The following CSMD3 variants were observed in gnomAD, a reference collection of about 807,000 sequenced individuals.
CSMD3 encodes CUB and Sushi multiple domains 3.
CSMD3 carries 177 observed loss-of-function variants against 435.2 expected under a neutral mutation model. That is an observed-to-expected ratio of 0.41 (90% CI 0.36 to 0.46). The LOEUF (loss-of-function observed/expected upper bound fraction) is 0.46. CSMD3 is among the 20% of genes least tolerant of loss of function. The probability of loss-of-function intolerance (pLI) is 0.34; values close to 1 mark genes in which losing one functional copy is unlikely to be tolerated. For missense variants in CSMD3, 4,265 were observed against 4,504.6 expected, an observed-to-expected ratio of 0.95 and a Z score of 1.52; for synonymous variants, 1,656 against 1,520.5, an observed-to-expected ratio of 1.09 and a Z score of -2.07.
intron 24 of CSMD3, among the ~76,000 whole-genome samples, chr8:112,560,417 T>C (rs1828516863): frequency 6.6e-6 from 1 of 151,738 alleles, no homozygotes. Context: ...ACAGGCTAGA[T>C]GCTCAGTAAT....
chr8:112,688,258 C>A (rs1313613917), intron 14 of CSMD3, among the ~76,000 whole-genome samples: 1 of 152,108 alleles, frequency 6.6e-6, no homozygotes, highest in Non-Finnish European at 1.5e-5. Flanking sequence ...TGGCCCTTAT[C>A]AGATAGATAG....
chr8:112,400,832 G>A (rs1831268908), intron 35 of CSMD3, among the ~76,000 whole-genome samples: 2 of 152,092 alleles, frequency 1.3e-5, no homozygotes, highest in South Asian at 4.1e-4. Flanking sequence ...TGATACATTT[G>A]AAATACAAAA....
At chr8:112,472,293 T>G (rs1220167051) in intron 32 of CSMD3, among the ~76,000 whole-genome samples, 1 of 152,186 alleles carries the variant, frequency 6.6e-6, no homozygotes, top group Non-Finnish European at 1.5e-5. Flanking sequence ...AATTTCCCAT[T>G]TTATAAAATT....
intron 4 of CSMD3, among the ~76,000 whole-genome samples, chr8:113,152,712 G>A (rs1305895567): frequency 6.6e-6 from 1 of 151,976 alleles, no homozygotes; most frequent in Non-Finnish European, 1.5e-5. Context: ...GTGTGCAGTG[G>A]CTCATGTTTG....
intron 46 of CSMD3, 55 bp from the exon 47 acceptor site, chr8:112,319,005 AAAC>A (rs1822737754): frequency 1.0e-6 from 1 of 988,042 alleles, no homozygotes; most frequent in Non-Finnish European, 1.6e-6. Flanking sequence ...TGATAAAAAT[AAAC>A]AAATATTTCA....
At chr8:113,344,387 T>G (rs779737133) in intron 1 of CSMD3, among the ~76,000 whole-genome samples, 6 of 152,298 alleles carry the variant, frequency 3.9e-5, no homozygotes, top group Non-Finnish European at 7.4e-5. Context: ...TTCAGTATCT[T>G]GTTTTGACCA....
At chr8:113,214,819 A>G (rs1274084319) in intron 3 of CSMD3, among the ~76,000 whole-genome samples, 2 of 151,856 alleles carry the variant, frequency 1.3e-5, no homozygotes, top group South Asian at 2.1e-4. Flanking sequence ...CCAAAATTAT[A>G]AAGATATCTT....
chr8:113,093,250 T>C (rs992885769), intron 5 of CSMD3, among the ~76,000 whole-genome samples: 3 of 151,952 alleles, frequency 2.0e-5, no homozygotes, highest in Non-Finnish European at 4.4e-5. Context: ...CAGGAAATTA[T>C]GCATTCCAAA....
At chr8:112,415,175 A>C (rs1811772880) in intron 32 of CSMD3, among the ~76,000 whole-genome samples, 1 of 152,238 alleles carries the variant, frequency 6.6e-6, no homozygotes, top group Admixed American at 6.5e-5. Context: ...CCAAAGGCTT[A>C]GGAGGGAAAA....
At chr8:112,496,045 C>T (rs1821304837) in intron 30 of CSMD3, among the ~76,000 whole-genome samples, 1 of 152,024 alleles carries the variant, frequency 6.6e-6, no homozygotes, top group Non-Finnish European at 1.5e-5. Context: ...TCTCGGCTCA[C>T]TGCAAGCTCC....
intron 9 of CSMD3, among the ~76,000 whole-genome samples, chr8:112,939,770 C>T (rs1380017306): frequency 1.3e-5 from 2 of 151,762 alleles, no homozygotes; most frequent in African/African-American, 4.8e-5. Context: ...TGAAGTGTAA[C>T]TGTGAAAAAT....
Position 112,281,236 on chromosome 8 carries a change from C to A in CSMD3, c.9446G>T (p.Gly3149Val), listed in dbSNP as rs770290277. 3 of 1,613,244 alleles carry A rather than the reference C, an allele frequency of 1.9e-6. No individual in the cohort carries two copies. The highest frequency in any genetic ancestry group is 1.1e-5 in the South Asian group (1 of 91,068). ...GGCTGTGCACTGTCTAACTGAAGGT[C>A]CAGAAAGGATGTATCCCTCCATGCA... is the stretch of plus-strand genomic sequence containing the variant. ...YSCMEGYILS[G>V]PSVRQCTANG... The change falls in exon 59 of 71, where the codon GGA becomes GTA. Residue 3149 changes from glycine (G) to valine (V), a missense_variant. By Grantham distance (109) the Gly-to-Val change is moderately radical. Around this residue, in one of 3 missense-constraint regions of CSMD3, gnomAD observed 3,255 missense variants for 3,380.2 expected, o/e 0.96. Coordinates refer to ENST00000297405, the MANE Select transcript of CSMD3 (RefSeq NM_198123.2).
intron 11 of CSMD3, among the ~76,000 whole-genome samples, chr8:112,847,906 G>A (rs1279651601): frequency 1.3e-5 from 2 of 151,982 alleles, no homozygotes; most frequent in African/African-American, 4.8e-5. Flanking sequence ...AAAAAACATG[G>A]GCTTAAATGT....
In CSMD3 at chr8:112,545,495, A is replaced by AT. The variant is rs1172341909; in HGVS notation, c.4564+5175_4564+5176insA. Among the ~76,000 whole-genome samples, 98 of 141,938 alleles carry AT rather than the reference A, an allele frequency of 6.9e-4. 1 individual carries two copies. Among genetic ancestry groups the AT allele is most frequent in the African/African-American group, 2.6e-3 (97 of 37,184 alleles). The allele number at this position is 141,938 out of a possible 152,430, so 93.1% of individuals were successfully genotyped here. ...GAGACTCCATCTCAAAAAAAAAAAAAAAAAAAAATAATAATAATAATAATA... is the reference window on the plus strand; with the variant it reads ...GAGACTCCATCTCAAAAAAAAAAAAATAAAAAAAATAATAATAATAATAATA... On this transcript the variant is annotated intron_variant, in intron 27 of 70. Transcript: ENST00000297405.
intron 69 of CSMD3, among the ~76,000 whole-genome samples, chr8:112,229,972 T>A (rs1812942498): frequency 2.0e-5 from 3 of 151,788 alleles, no homozygotes; most frequent in Non-Finnish European, 4.4e-5. Flanking sequence ...GATTTCATAA[T>A]GAAAATTAGC....
intron 1 of CSMD3, among the ~76,000 whole-genome samples, chr8:113,391,604 A>C (rs1259544813): frequency 6.6e-6 from 1 of 152,070 alleles, no homozygotes; most frequent in Non-Finnish European, 1.5e-5. Context: ...TTTAATAAAA[A>C]CATAAAATAC....
intron 1 of CSMD3, among the ~76,000 whole-genome samples, chr8:113,356,043 T>C (rs772350269): frequency 6.6e-6 from 1 of 151,692 alleles, no homozygotes; most frequent in Non-Finnish European, 1.5e-5. Context: ...TAACATTATC[T>C]AATACATTTT....
intron 3 of CSMD3, among the ~76,000 whole-genome samples, chr8:113,230,095 T>G (rs1363417196): frequency 6.6e-6 from 1 of 151,630 alleles, no homozygotes; most frequent in Non-Finnish European, 1.5e-5. Flanking sequence ...GATAATAGGT[T>G]CTGGGTACTT....
chr8:112,412,060 C>G (rs1811410848), intron 32 of CSMD3, among the ~76,000 whole-genome samples: 1 of 151,998 alleles, frequency 6.6e-6, no homozygotes, highest in South Asian at 2.1e-4. Flanking sequence ...TCTATCTTAT[C>G]TACAGATCTA....
Sources: allele counts gnomAD v4.1 joint callset (sites outside exome capture counted in the v4.1 genomes callset), GRCh38; gene constraint gnomAD v4.1.1; regional missense constraint gnomAD v4.1.1; transcripts MANE v1.5; gene names NCBI Gene and HGNC (gene_info 2026-07-23, HGNC 2026-07-21).